The following UBR3 variants were observed in gnomAD, a reference collection of about 807,000 sequenced individuals.
UBR3 encodes the protein E3 ubiquitin-protein ligase UBR3.
A neutral mutation model predicts 243.2 loss-of-function variants in UBR3; 85 were observed. That is an observed-to-expected ratio of 0.35 (90% CI 0.29 to 0.42). UBR3 has a LOEUF of 0.42. Ranked by LOEUF, UBR3 falls within the 10% of genes least tolerant of loss-of-function variation. UBR3 has a pLI of 1.00. For synonymous variants in UBR3, 748 were observed against 799.8 expected (o/e 0.94, Z 1.09); for missense variants, 1,686 against 2,300.8 (o/e 0.73, Z 5.47).
intron 23 of UBR3, among the ~76,000 whole-genome samples, chr2:169,954,100 A>C (rs2087155985): frequency 6.6e-6 from 1 of 152,100 alleles, no homozygotes; most frequent in Non-Finnish European, 1.5e-5. Flanking sequence ...GAATTAGCAG[A>C]TTGATAGTGG....
intron 35 of UBR3, among the ~76,000 whole-genome samples, chr2:170,064,226 G>A (rs1296904805): frequency 6.6e-6 from 1 of 152,006 alleles, no homozygotes; most frequent in Non-Finnish European, 1.5e-5. Context: ...TTTAAGCATA[G>A]TAGATATCTT....
intron 26 of UBR3, among the ~76,000 whole-genome samples, chr2:170,000,056 G>A (rs1487173377): frequency 2.0e-5 from 3 of 151,954 alleles, no homozygotes; most frequent in African/African-American, 4.8e-5. Flanking sequence ...AACCCGGGAG[G>A]CGGAGGTTGT....
At chr2:169,996,654 T>A (rs2089488675) in intron 26 of UBR3, among the ~76,000 whole-genome samples, 1 of 151,850 alleles carries the variant, frequency 6.6e-6, no homozygotes, top group African/African-American at 2.4e-5. Context: ...ACACATATTT[T>A]CACACTTTTT....
At chr2:170,053,234 G>A (rs192022775) in intron 32 of UBR3, among the ~76,000 whole-genome samples, 29 of 152,310 alleles carry the variant, frequency 1.9e-4, no homozygotes, top group Non-Finnish European at 3.1e-4. Flanking sequence ...TAAATTGTTT[G>A]TACAAAGAGT....
At chr2:169,905,047 T>G in intron 8 of UBR3, 67 bp from the exon 9 acceptor site, 1 of 1,301,334 alleles carries the variant, frequency 7.7e-7, no homozygotes, top group Non-Finnish European at 1.0e-6. Context: ...ATATATATTC[T>G]GTATTATTGG....
chr2:169,905,263 A>C lies in UBR3; in HGVS notation c.1615A>C (p.Thr539Pro), dbSNP rs2084971810. The change falls in exon 9 of 39, where the codon ACA becomes CCA. Residue 539 changes from threonine to proline, a missense_variant. Physicochemically the swap from Thr to Pro is conservative, Grantham distance 38 (BLOSUM62 -1). This residue lies in a region of UBR3 where 346 missense variants were observed against 585.8 expected (regional missense o/e 0.59). Coordinates refer to ENST00000272793, the MANE Select transcript of UBR3 (RefSeq NM_172070.4). ...TTTGGAGGATCACGGTTTGTTAGTTACATGGATGAACTTTGTATCTTTCTT... is the reference window on the plus strand; with the variant it reads ...TTTGGAGGATCACGGTTTGTTAGTTCCATGGATGAACTTTGTATCTTTCTT... ...RFLEDHGLLVTWMNFVSFFQG... is the reference protein window; with the variant it reads ...RFLEDHGLLVPWMNFVSFFQG... The C allele has an allele frequency of 6.5e-7, 1 of 1,539,662 alleles. No individual in the cohort carries two copies. The highest frequency in any genetic ancestry group is 1.4e-5 in the African/African-American group (1 of 72,644).
In UBR3 at chr2:170,082,887, A is replaced by G. The variant is rs1342491270; in HGVS notation, c.*1044A>G. Reference sequence around the variant, plus strand: ...TGGTGATGACCCTCATGAATGAGCCACGCTTCTGCATTCTTCTTAGAAACT... The same window carrying G: ...TGGTGATGACCCTCATGAATGAGCCGCGCTTCTGCATTCTTCTTAGAAACT... On this transcript the variant is annotated 3_prime_UTR_variant, in exon 39 of 39. Transcript: ENST00000272793. 2 of 152,514 alleles carry G rather than the reference A, an allele frequency of 1.3e-5. No homozygotes were observed. Among genetic ancestry groups the G allele is most frequent in the East Asian group, 3.8e-4 (2 of 5,200 alleles). The allele number at this position is 152,514 out of a possible 1,614,324, so 9.4% of individuals were successfully genotyped here.
chr2:169,897,520 A>G (rs1436154411), intron 8 of UBR3, among the ~76,000 whole-genome samples: 2 of 152,046 alleles, frequency 1.3e-5, no homozygotes, highest in Non-Finnish European at 2.9e-5. Context: ...ATTTTTTGAG[A>G]CAGAGTCTTG....
intron 36 of UBR3, among the ~76,000 whole-genome samples, chr2:170,076,323 C>G (rs958673429): frequency 1.3e-5 from 2 of 152,180 alleles, no homozygotes; most frequent in African/African-American, 4.8e-5. Flanking sequence ...CACATCTTAC[C>G]TGCCTGGCTC....
intron 8 of UBR3, among the ~76,000 whole-genome samples, 180 bp downstream of exon 8, chr2:169,896,915 A>G (rs898399283): frequency 6.6e-6 from 1 of 152,184 alleles, no homozygotes; most frequent in African/African-American, 2.4e-5. Context: ...TAAAAAAATT[A>G]TAAAATAATA....
chr2:169,940,712 CT>C (rs1307471118), intron 19 of UBR3, among the ~76,000 whole-genome samples: 3 of 152,110 alleles, frequency 2.0e-5, no homozygotes, highest in African/African-American at 7.2e-5. Context: ...GTCGTTTTCT[CT>C]GTGTAATTCC....
chr2:169,928,914 A>C, intron 18 of UBR3, 46 bp downstream of exon 18: 1 of 1,311,508 alleles, frequency 7.6e-7, no homozygotes, highest in Non-Finnish European at 9.9e-7. Context: ...TCAGTTCTTG[A>C]ATGGTGAATT....
At chr2:170,018,946 T>G (rs1039200569) in intron 30 of UBR3, among the ~76,000 whole-genome samples, 1 of 152,218 alleles carries the variant, frequency 6.6e-6, no homozygotes, top group Non-Finnish European at 1.5e-5. Flanking sequence ...CTCAGTGTAT[T>G]TCTCAAGTAG....
chr2:170,023,138 GTT>G (rs796146588), intron 30 of UBR3, among the ~76,000 whole-genome samples: 5 of 149,744 alleles, frequency 3.3e-5, no homozygotes, highest in East Asian at 1.9e-4. Flanking sequence ...GGCTAGTTGA[GTT>G]TTTTTTTTTT....
At chr2:170,015,440 T>G (rs16857446) in intron 30 of UBR3, 74 bp downstream of exon 30, 224,811 of 1,228,268 alleles carry the variant, frequency 0.18, 22,893 homozygotes, top group East Asian at 0.36. Flanking sequence ...AAGTGACATT[T>G]TGGTATATTT....
intron 19 of UBR3, among the ~76,000 whole-genome samples, chr2:169,939,071 T>G (rs2086463299): frequency 6.6e-6 from 1 of 152,132 alleles, no homozygotes; most frequent in African/African-American, 2.4e-5. Flanking sequence ...ATTTAATGAT[T>G]AAAAAAATCT....
chr2:169,870,368 A>C (rs1404418816), intron 1 of UBR3, among the ~76,000 whole-genome samples: 2 of 152,066 alleles, frequency 1.3e-5, no homozygotes, highest in African/African-American at 4.8e-5. Context: ...GCCTCAAGTG[A>C]TCCTTCAGCC....
chr2:169,891,605 G>C (rs994865790), intron 6 of UBR3, among the ~76,000 whole-genome samples: 29 of 37,546 alleles, frequency 7.7e-4, no homozygotes, highest in Non-Finnish European at 1.4e-3. Context: ...TGGTGAGAGA[G>C]AGACAGAGAC....
intron 1 of UBR3, among the ~76,000 whole-genome samples, chr2:169,843,053 T>C (rs1414695483): frequency 6.6e-6 from 1 of 152,232 alleles, no homozygotes; most frequent in African/African-American, 2.4e-5. Flanking sequence ...TTTATGGCAA[T>C]CTAAGCTTTT....
Sources: gnomAD v4.1 joint callset for allele counts (sites outside exome capture counted in the v4.1 genomes callset) on GRCh38, gnomAD v4.1.1 for gene constraint, gnomAD v4.1.1 regional missense constraint, MANE v1.5 for transcripts, NCBI Gene and HGNC (gene_info 2026-07-23, HGNC 2026-07-21) for gene names.